C12orf56: variants seen among roughly 807,000 people sequenced by gnomAD.
The protein encoded by C12orf56 is chromosome 12 open reading frame 56.
In C12orf56, 71 loss-of-function variants were observed where a neutral mutation model predicts 69.9. The observed-to-expected ratio is 1.02, with a 90% confidence interval of 0.84 to 1.24. C12orf56 has a LOEUF of 1.24. Among genes scored for constraint, C12orf56 ranks in the 50% most tolerant of loss-of-function variants. C12orf56 has a pLI of 0.00. For synonymous variants in C12orf56, 276 were observed against 274.1 expected (o/e 1.01, Z -0.07); for missense variants, 732 against 738.5 (o/e 0.99, Z 0.10).
intron 2 of C12orf56, among the ~76,000 whole-genome samples, chr12:64,348,767 TG>T (rs2039181602): frequency 6.6e-6 from 1 of 152,206 alleles, no homozygotes; most frequent in South Asian, 2.1e-4. Context: ...CAATTAAGGT[TG>T]TTATGTTAAG....
At chr12:64,327,406 C>T (rs1018359629) in intron 3 of C12orf56, among the ~76,000 whole-genome samples, 2 of 152,156 alleles carry the variant, frequency 1.3e-5, no homozygotes, top group Admixed American at 6.5e-5. Context: ...AACCATGGCT[C>T]ATATTTACCT....
At chr12:64,300,885 A>T (rs1330935247) in intron 6 of C12orf56, among the ~76,000 whole-genome samples, 1 of 152,136 alleles carries the variant, frequency 6.6e-6, no homozygotes, top group South Asian at 2.1e-4. Flanking sequence ...GTTCCCACCC[A>T]AATCTCATCT....
intron 6 of C12orf56, among the ~76,000 whole-genome samples, chr12:64,295,121 G>A (rs1430014494): frequency 1.3e-5 from 2 of 152,130 alleles, no homozygotes. Flanking sequence ...GACCTCAGGT[G>A]AGCCACTCGC....
At chr12:64,339,185 G>A (rs141321200) in intron 2 of C12orf56, among the ~76,000 whole-genome samples, 10 of 152,110 alleles carry the variant, frequency 6.6e-5, no homozygotes, top group Admixed American at 2.6e-4. Flanking sequence ...AAATGTTAAC[G>A]TCAAATAAAA....
chr12:64,275,336 T>A lies in C12orf56; in HGVS notation c.1471A>T (p.Thr491Ser). Residue 491 changes from threonine to serine, a missense_variant, in exon 10 of 13, where the codon ACA becomes TCA. Thr to Ser is a moderately conservative substitution (Grantham distance 58). Transcript: ENST00000543942. ...KLILEYTNTATALLYEILLVF... is the reference protein window; with the variant it reads ...KLILEYTNTASALLYEILLVF... ...AGAAGTATCTCATATAAAAGTGCTG[T>A]AGCAGTATTTGTATACTCCAGAATA... 6.9e-7 allele frequency: 1 copy of A among 1,444,514 alleles called. No homozygotes were observed. Among genetic ancestry groups the A allele is most frequent in the Non-Finnish European group, 9.2e-7 (1 of 1,085,262 alleles). The allele number at this position is 1,444,514 out of a possible 1,614,324, so 89.5% of individuals were successfully genotyped here.
chr12:64,371,540 C>T (rs2039570027), intron 1 of C12orf56, among the ~76,000 whole-genome samples: 1 of 151,744 alleles, frequency 6.6e-6, no homozygotes, highest in Non-Finnish European at 1.5e-5. Flanking sequence ...ATAAGAAAAT[C>T]CAGGGGGTGA....
chr12:64,269,044 A>G (rs1836865), intron 12 of C12orf56, among the ~76,000 whole-genome samples: 140,977 of 151,908 alleles, frequency 0.93, 66,323 homozygotes, highest in East Asian at 1. Flanking sequence ...GCTGAAGTGG[A>G]AGGGGGCATT....
In C12orf56 at chr12:64,318,828, G is replaced by A. The variant is rs759052735; in HGVS notation, c.641C>T (p.Ala214Val). The A allele has an allele frequency of 2.0e-6, 3 of 1,537,236 alleles. No homozygotes were observed. The South Asian group carries it at 3.6e-5, about 18-fold the overall frequency. ...TGTTGTGCAAGATGGCTCGCTGACA[G>A]CCTTGCCAGTTGTTGGTGCAGACTG... ...SSQSAPTTGK[A>V]VSEPSCTTNT... Residue 214 changes from alanine (A) to valine (V), a missense_variant, in exon 4 of 13, where the codon GCT becomes GTT. Physicochemically the swap from Ala to Val is moderately conservative, Grantham distance 64 (BLOSUM62 0). Coordinates refer to ENST00000543942, the MANE Select transcript of C12orf56 (RefSeq NM_001170633.2).
At position 64,390,688 on chromosome 12, in the gene C12orf56, C is replaced by G. The variant is rs926706292; in HGVS notation, c.-123G>C. The G allele has an allele frequency of 1.2e-5, 16 of 1,322,094 alleles. No homozygotes were observed. Among genetic ancestry groups the G allele is most frequent in the East Asian group, 3.0e-5 (1 of 33,072 alleles). The allele number at this position is 1,322,094 out of a possible 1,614,324, so 81.9% of individuals were successfully genotyped here. ...GGCCACGCGTCGCCTCCTCTCCAGGCGCGGGGACCCGGGCCGCAACTGCAG... is the reference window on the plus strand; with the variant it reads ...GGCCACGCGTCGCCTCCTCTCCAGGGGCGGGGACCCGGGCCGCAACTGCAG... On this transcript the variant is annotated 5_prime_UTR_variant, in exon 1 of 13. Coordinates refer to ENST00000543942, the MANE Select transcript of C12orf56 (RefSeq NM_001170633.2).
intron 3 of C12orf56, among the ~76,000 whole-genome samples, chr12:64,329,572 T>A (rs1345512962): frequency 5.4e-5 from 8 of 148,656 alleles, no homozygotes; most frequent in African/African-American, 1.2e-4. Context: ...CATGTGCACA[T>A]TGTGCAGGTT....
intron 7 of C12orf56, 77 bp from the exon 8 acceptor site, chr12:64,284,830 T>G: frequency 8.6e-7 from 1 of 1,164,022 alleles, no homozygotes; most frequent in South Asian, 1.6e-5. Context: ...AGTAGTAATT[T>G]TTGCTAAAAC....
chr12:64,282,468 C>G (rs2038141886), intron 8 of C12orf56, among the ~76,000 whole-genome samples: 1 of 152,142 alleles, frequency 6.6e-6, no homozygotes, highest in South Asian at 2.1e-4. Flanking sequence ...TGTTTGCCCA[C>G]TCCTGCTACA....
chr12:64,374,635 C>G (rs1471410420), intron 1 of C12orf56, among the ~76,000 whole-genome samples: 3 of 152,010 alleles, frequency 2.0e-5, no homozygotes, highest in Non-Finnish European at 4.4e-5. Context: ...ACTCCGCCTC[C>G]CAGGTTCCAG....
chr12:64,365,979 C>A (rs2039469013), intron 1 of C12orf56, among the ~76,000 whole-genome samples: 1 of 124,562 alleles, frequency 8.0e-6, no homozygotes, highest in Non-Finnish European at 1.6e-5. Context: ...TAATATATAG[C>A]TTGTATAATA....
At chr12:64,320,657 G>T (rs1020947616) in intron 3 of C12orf56, among the ~76,000 whole-genome samples, 45 of 152,236 alleles carry the variant, frequency 3.0e-4, no homozygotes, top group African/African-American at 9.9e-4. Context: ...TGCAGAGTAT[G>T]GTGAGACCTA....
At chr12:64,361,364 G>T (rs2039398033) in intron 1 of C12orf56, among the ~76,000 whole-genome samples, 2 of 152,106 alleles carry the variant, frequency 1.3e-5, no homozygotes, top group Non-Finnish European at 2.9e-5. Context: ...AGACCTGCTG[G>T]GCCACATTCC....
chr12:64,294,165 T>TA lies in C12orf56; in HGVS notation c.1114-8106dup, dbSNP rs58293333. 8.4e-4 allele frequency among the ~76,000 whole-genome samples: 125 copies of TA among 148,518 alleles called. 2 individuals carry two copies. The highest frequency in any genetic ancestry group is 3.0e-3 in the South Asian group (14 of 4,646). ...CCACACCCATTAGGATAGCTACTAT[T>TA]AAAAAAAAAACACAAAATAGCAAGT... On this transcript the variant is annotated intron_variant, in intron 6 of 12. Coordinates refer to ENST00000543942, the MANE Select transcript of C12orf56 (RefSeq NM_001170633.2).
intron 5 of C12orf56, among the ~76,000 whole-genome samples, chr12:64,306,081 A>T (rs1026130843): frequency 5.9e-5 from 9 of 152,192 alleles, no homozygotes; most frequent in Admixed American, 1.3e-4. Flanking sequence ...TGGCCAAAAA[A>T]ATTTTCACAG....
At chr12:64,327,256 T>C (rs947962549) in intron 3 of C12orf56, among the ~76,000 whole-genome samples, 2 of 152,058 alleles carry the variant, frequency 1.3e-5, no homozygotes, top group Non-Finnish European at 2.9e-5. Context: ...CAGACTGAGA[T>C]ACCAGGGAAG....
Sources: gnomAD v4.1 joint callset for allele counts (sites outside exome capture counted in the v4.1 genomes callset) on GRCh38, gnomAD v4.1.1 for gene constraint, MANE v1.5 for transcripts, NCBI Gene and HGNC (gene_info 2026-07-23, HGNC 2026-07-21) for gene names.